The following CDYL variants were observed in gnomAD, a reference collection of about 807,000 sequenced individuals.
The protein encoded by CDYL is chromodomain Y like.
A neutral mutation model predicts 47.3 loss-of-function variants in CDYL; 8 were observed. The ratio of observed to expected loss-of-function variants is 0.17; its 90% CI spans 0.10 to 0.31. The LOEUF (loss-of-function observed/expected upper bound fraction) is 0.31, where lower values mean the gene tolerates loss of function less well. Among genes scored for constraint, CDYL ranks in the 10% least tolerant of loss-of-function variants. The pLI is 1.00. For missense variants in CDYL, 471 were observed against 701.4 expected (o/e 0.67, Z 3.71); for synonymous variants, 266 against 265.0 (o/e 1.00, Z -0.04).
At chr6:4,918,102 A>G (rs1286630964) in intron 2 of CDYL, among the ~76,000 whole-genome samples, 5 of 152,218 alleles carry the variant, frequency 3.3e-5, no homozygotes, top group Non-Finnish European at 7.4e-5. Flanking sequence ...TATGAAAACA[A>G]TAGTTGCAAA....
At chr6:4,918,684 T>A (rs1333051016) in intron 2 of CDYL, among the ~76,000 whole-genome samples, 2 of 152,250 alleles carry the variant, frequency 1.3e-5, no homozygotes, top group Non-Finnish European at 2.9e-5. Flanking sequence ...CTTCTTCAAA[T>A]AATGGAGTTC....
chr6:4,756,032 G>C (rs926973900), intron 3 of CDYL, among the ~76,000 whole-genome samples: 3 of 152,088 alleles, frequency 2.0e-5, no homozygotes, highest in African/African-American at 7.2e-5. Context: ...TGTAAGTCCT[G>C]TAATATTGCC....
chr6:4,711,649 C>T (rs950789519), intron 1 of CDYL, among the ~76,000 whole-genome samples: 5 of 152,162 alleles, frequency 3.3e-5, no homozygotes, highest in African/African-American at 9.7e-5. Flanking sequence ...GGACTTATTG[C>T]TGACATACAC....
At chr6:4,903,590 G>A (rs1757135945) in intron 2 of CDYL, among the ~76,000 whole-genome samples, 1 of 152,154 alleles carries the variant, frequency 6.6e-6, no homozygotes. Context: ...CAGGGCTTGG[G>A]TGCCGGAGGG....
intron 1 of CDYL, among the ~76,000 whole-genome samples, chr6:4,708,173 C>T (rs1205649282): frequency 6.2e-5 from 6 of 96,236 alleles, no homozygotes; most frequent in African/African-American, 3.2e-4. Flanking sequence ...CACACACACA[C>T]ACACATATAT....
chr6:4,954,623 A>C lies in CDYL; in HGVS notation c.*567A>C, dbSNP rs1758813055. On this transcript the variant is annotated 3_prime_UTR_variant, in exon 7 of 7. Transcript: ENST00000397588. ...CTAGGATAAATACTTCTGATGAAAA[A>C]TCCGCTGAGGAGCATACCCCAAACC... 6.6e-6 allele frequency: 1 copy of C among 152,612 alleles called. No individual in the cohort carries two copies. The highest frequency in any genetic ancestry group is 1.5e-5 in the Non-Finnish European group (1 of 68,048). The allele number at this position is 152,612 out of a possible 1,614,324, so 9.5% of individuals were successfully genotyped here. A position where few individuals can be genotyped will look rare whatever the true frequency, so the allele number is the denominator to read the frequency against.
intron 1 of CDYL, among the ~76,000 whole-genome samples, chr6:4,858,847 A>C (rs1199246083): frequency 6.6e-6 from 1 of 152,198 alleles, no homozygotes; most frequent in Non-Finnish European, 1.5e-5. Flanking sequence ...GGAAGACAGA[A>C]ATGATATCTT....
At chr6:4,948,108 C>T (rs578019846) in intron 5 of CDYL, among the ~76,000 whole-genome samples, 3 of 152,180 alleles carry the variant, frequency 2.0e-5, no homozygotes, top group African/African-American at 7.2e-5. Flanking sequence ...GCCAGTTAAC[C>T]CTGTCCCGGC....
At chr6:4,791,814 A>T (rs1387928008) in intron 1 of CDYL, among the ~76,000 whole-genome samples, 1 of 152,130 alleles carries the variant, frequency 6.6e-6, no homozygotes, top group Non-Finnish European at 1.5e-5. Flanking sequence ...CAGTTATTTC[A>T]TAAACACAGA....
At chr6:4,711,265 C>A (rs1452886985) in intron 1 of CDYL, among the ~76,000 whole-genome samples, 1 of 152,162 alleles carries the variant, frequency 6.6e-6, no homozygotes, top group African/African-American at 2.4e-5. Context: ...TTTAACCTAA[C>A]CCTCTCCTGC....
At chr6:4,890,172 A>G (rs1292835518) in intron 1 of CDYL, 8 of 984,514 alleles carry the variant, frequency 8.1e-6, no homozygotes, top group African/African-American at 1.7e-5. Context: ...TAGCTTTCCT[A>G]CAAGACATAA....
chr6:4,926,916 G>A (rs779369730), intron 2 of CDYL, among the ~76,000 whole-genome samples: 3 of 152,158 alleles, frequency 2.0e-5, no homozygotes, highest in Non-Finnish European at 4.4e-5. Context: ...CAGGTGTGCT[G>A]CAGGGATTTG....
chr6:4,838,668 C>T (rs922930801), intron 1 of CDYL, among the ~76,000 whole-genome samples: 2 of 151,674 alleles, frequency 1.3e-5, no homozygotes, highest in Non-Finnish European at 2.9e-5. Flanking sequence ...AGTGGGATTG[C>T]TGGATCAGAT....
chr6:4,859,240 AAC>A (rs923994040), intron 1 of CDYL, among the ~76,000 whole-genome samples: 1 of 152,166 alleles, frequency 6.6e-6, no homozygotes, highest in Non-Finnish European at 1.5e-5. Flanking sequence ...CTTGGATTAC[AAC>A]AGACAGTGAC....
At chr6:4,777,428 T>G (rs1758499929) in intron 1 of CDYL, among the ~76,000 whole-genome samples, 1 of 152,188 alleles carries the variant, frequency 6.6e-6, no homozygotes, top group South Asian at 2.1e-4. Context: ...GAGAAGGGCA[T>G]AGCCAGAACT....
At chr6:4,707,184 T>C (rs903893561) in intron 1 of CDYL, among the ~76,000 whole-genome samples, 5 of 152,236 alleles carry the variant, frequency 3.3e-5, no homozygotes, top group Admixed American at 6.5e-5. Flanking sequence ...CCTGTCACCA[T>C]TGGAGATGAG....
intron 1 of CDYL, among the ~76,000 whole-genome samples, chr6:4,851,136 C>T (rs929810966): frequency 6.6e-6 from 1 of 152,098 alleles, no homozygotes; most frequent in African/African-American, 2.4e-5. Context: ...AGGACATGGA[C>T]GTCTTATTTA....
Position 4,715,144 on chromosome 6 carries a change from G to C in CDYL, c.-38-597G>C, listed in dbSNP as rs114843595. Among the ~76,000 whole-genome samples the C allele has an allele frequency of 8.1e-3, 1,230 of 152,200 alleles. 9 individuals are homozygous for C. Among genetic ancestry groups the C allele is most frequent in the Non-Finnish European group, 0.012 (830 of 68,020 alleles). ...GTGCTTTCTCGTGCCTCTGTGCCTT[G>C]GGCTCTCACCCTCCCTACCTGAGAA... On this transcript the variant is annotated intron_variant, in intron 1 of 8. Coordinates refer to the CDYL transcript ENST00000328908.
intron 1 of CDYL, among the ~76,000 whole-genome samples, chr6:4,816,730 CT>C: frequency 6.6e-6 from 1 of 152,176 alleles, no homozygotes; most frequent in African/African-American, 2.4e-5. Context: ...CTCAAGTGAT[CT>C]GTCCATCTCA....
Sources: allele counts gnomAD v4.1 joint callset (sites outside exome capture counted in the v4.1 genomes callset), GRCh38; gene constraint gnomAD v4.1.1; transcripts MANE v1.5; gene names NCBI Gene and HGNC (gene_info 2026-07-23, HGNC 2026-07-21).